SPMIP7: variants seen among roughly 807,000 people sequenced by gnomAD.
SPMIP7 encodes sperm microtubule inner protein 7.
At chr7:50,141,253 A>G in the SPMIP7 span, 4 of 1,352,516 alleles carry the variant, frequency 3.0e-6, no homozygotes. Flanking sequence ...ACAGAAATAT[A>G]TGCCTTCTTT....
the SPMIP7 span, among the ~76,000 whole-genome samples, chr7:50,126,378 TG>T: frequency 3.7e-4 from 53 of 142,134 alleles, 1 homozygote; most frequent in Middle Eastern, 0.011. Flanking sequence ...CATATATATC[TG>T]TTTTTTTTTT....
At chr7:50,125,756 T>C in the SPMIP7 span, among the ~76,000 whole-genome samples, 250 of 152,150 alleles carry the variant, frequency 1.6e-3, 3 homozygotes, top group African/African-American at 5.5e-3. Context: ...ATTTTACTTA[T>C]ATGTGGAATC....
the SPMIP7 span, chr7:50,096,729 C>A: frequency 4.1e-6 from 4 of 980,776 alleles, no homozygotes; most frequent in East Asian, 5.5e-5. Context: ...GTTAAATTAA[C>A]AAAATTACAA....
chr7:50,131,670 G>A, the SPMIP7 span, among the ~76,000 whole-genome samples: 5 of 152,168 alleles, frequency 3.3e-5, no homozygotes, highest in African/African-American at 1.2e-4. Flanking sequence ...AAGATGAAGA[G>A]TCTAGGTCCT....
chr7:50,100,147 G>A, the SPMIP7 span, among the ~76,000 whole-genome samples: 1 of 152,148 alleles, frequency 6.6e-6, no homozygotes, highest in South Asian at 2.1e-4. Flanking sequence ...CTCCCAGACT[G>A]GCAAGACAGA....
the SPMIP7 span, chr7:50,096,388 G>T: frequency 6.4e-7 from 1 of 1,551,980 alleles, no homozygotes; most frequent in Non-Finnish European, 8.7e-7. Context: ...GGGATGATGT[G>T]ACCTTAGGTG....
At chr7:50,159,179 C>A in the SPMIP7 span, 1 of 1,550,362 alleles carries the variant, frequency 6.5e-7, no homozygotes, top group Non-Finnish European at 8.7e-7. Context: ...GAGGAGGCGG[C>A]CCTGCGCGGG....
chr7:50,120,949 G>A, the SPMIP7 span, among the ~76,000 whole-genome samples: 75 of 152,186 alleles, frequency 4.9e-4, 1 homozygote, highest in African/African-American at 1.6e-3. Flanking sequence ...AGTTTGGTTC[G>A]CAGAGATTCC....
chr7:50,146,821 A>G, the SPMIP7 span, among the ~76,000 whole-genome samples: 1 of 152,050 alleles, frequency 6.6e-6, no homozygotes, highest in Non-Finnish European at 1.5e-5. Context: ...CCTAACTTCC[A>G]TCCATGACCT....
At chr7:50,107,857 A>T in the SPMIP7 span, among the ~76,000 whole-genome samples, 1 of 152,244 alleles carries the variant, frequency 6.6e-6, no homozygotes, top group Non-Finnish European at 1.5e-5. Context: ...CACCAAGAGT[A>T]GTGGCAGAAA....
the SPMIP7 span, among the ~76,000 whole-genome samples, chr7:50,143,348 T>C: frequency 6.6e-6 from 1 of 152,070 alleles, no homozygotes. Flanking sequence ...GTATTTTTAG[T>C]AGAGATGGGG....
chr7:50,114,755 T>A, the SPMIP7 span, among the ~76,000 whole-genome samples: 1 of 152,068 alleles, frequency 6.6e-6, no homozygotes, highest in East Asian at 1.9e-4. Context: ...CCCAGCCGGG[T>A]GAGGTGGCTC....
At chr7:50,159,082 T>C in the SPMIP7 span, 1 of 1,551,996 alleles carries the variant, frequency 6.4e-7, no homozygotes, top group Non-Finnish European at 8.7e-7. Flanking sequence ...ACCTCTTCCG[T>C]CACCAGGCTC....
the SPMIP7 span, chr7:50,159,075 T>C: frequency 6.4e-6 from 10 of 1,552,002 alleles, no homozygotes; most frequent in East Asian, 2.2e-4. Context: ...GCAGTTGACC[T>C]CTTCCGTCAC....
the SPMIP7 span, among the ~76,000 whole-genome samples, chr7:50,132,324 TCTGA>T: frequency 6.6e-6 from 1 of 152,172 alleles, no homozygotes; most frequent in Non-Finnish European, 1.5e-5. Flanking sequence ...TAAATTCCTC[TCTGA>T]CTTTTGGGTT....
chr7:50,096,041 A>C, the SPMIP7 span: 3 of 1,245,380 alleles, frequency 2.4e-6, no homozygotes, highest in African/African-American at 4.6e-5. Context: ...TAAAGGAATT[A>C]TCAGAAATAC....
At chr7:50,154,362 C>T in the SPMIP7 span, among the ~76,000 whole-genome samples, 1 of 152,228 alleles carries the variant, frequency 6.6e-6, no homozygotes, top group African/African-American at 2.4e-5. Flanking sequence ...GTGTCTGCTA[C>T]TTAGCATCCT....
chr7:50,099,779 C>T, the SPMIP7 span, among the ~76,000 whole-genome samples: 737 of 152,082 alleles, frequency 4.8e-3, 4 homozygotes, highest in Middle Eastern at 0.024. Flanking sequence ...TTGGAGCAGC[C>T]CCAGAGAAGC....
At chr7:50,133,963 G>A in the SPMIP7 span, 1 of 616,152 alleles carries the variant, frequency 1.6e-6, no homozygotes, top group Non-Finnish European at 2.7e-6. Flanking sequence ...ACTGTCCAGG[G>A]GAGGTGATTA....
Sources: allele counts gnomAD v4.1 joint callset (sites outside exome capture counted in the v4.1 genomes callset), GRCh38; gene constraint gnomAD v4.1.1; transcripts MANE v1.5; gene names NCBI Gene and HGNC (gene_info 2026-07-23, HGNC 2026-07-21).